The following LCMT1 variants were observed in gnomAD, a reference collection of about 807,000 sequenced individuals.
The protein encoded by LCMT1 is [Phosphatase 2A protein]-leucine-carboxy methyltransferase 1.
In LCMT1, 32 loss-of-function variants were observed where a neutral mutation model predicts 47.7. The observed-to-expected ratio is 0.67, with a 90% confidence interval of 0.51 to 0.90. The LOEUF (loss-of-function observed/expected upper bound fraction) is 0.90, where lower values mean the gene tolerates loss of function less well. Among genes scored for constraint, LCMT1 ranks in the 40% least tolerant of loss-of-function variants. The pLI, the probability that LCMT1 is intolerant of heterozygous loss-of-function variation, is 0.00. For missense variants in LCMT1, 375 were observed against 415.2 expected (o/e 0.90, Z 0.84); for synonymous variants, 152 against 149.7 (o/e 1.02, Z -0.11).
intron 4 of LCMT1, chr16:25,149,086 A>G (rs1960983264): frequency 6.6e-6 from 1 of 152,230 alleles, no homozygotes. Context: ...TATCTTGGTT[A>G]ATGGACCACC....
rs193008233 is a variant in LCMT1, at chr16:25,154,517, T to C, written c.466+2902T>C. 4.8e-3 allele frequency among the ~76,000 whole-genome samples: 699 copies of C among 144,902 alleles called. 6 individuals carry two copies. The highest frequency in any genetic ancestry group is 0.017 in the African/African-American group (659 of 38,966). On this transcript the variant is annotated intron_variant, in intron 5 of 10. Transcript: ENST00000399069. ...TTTTTTTTTTTTTTTTTGAGAGTCTTGCTCTGTCACCCAGGCTGGAGTGCA... is the reference window on the plus strand; with the variant it reads ...TTTTTTTTTTTTTTTTTGAGAGTCTCGCTCTGTCACCCAGGCTGGAGTGCA...
At chr16:25,116,108 C>T (rs1959775726) in intron 1 of LCMT1, among the ~76,000 whole-genome samples, 1 of 152,206 alleles carries the variant, frequency 6.6e-6, no homozygotes, top group East Asian at 1.9e-4. Context: ...AAGACTCACA[C>T]TATGAGGAGC....
At chr16:25,173,432 A>C (rs1044889272) in intron 9 of LCMT1, among the ~76,000 whole-genome samples, 2 of 152,208 alleles carry the variant, frequency 1.3e-5, no homozygotes, top group African/African-American at 2.4e-5. Context: ...ATGTGTAGGC[A>C]TTCTTACTTC....
chr16:25,127,378 G>A (rs575793688), intron 1 of LCMT1, among the ~76,000 whole-genome samples: 7 of 152,230 alleles, frequency 4.6e-5, no homozygotes, highest in Admixed American at 1.3e-4. Flanking sequence ...ATAACAGATC[G>A]TGTCCATTAG....
intron 5 of LCMT1, among the ~76,000 whole-genome samples, chr16:25,151,988 T>C (rs1403644839): frequency 1.3e-5 from 2 of 152,184 alleles, no homozygotes; most frequent in African/African-American, 2.4e-5. Context: ...ACTGTGTATG[T>C]GTGCAGTTGA....
chr16:25,118,731 A>C (rs1193622027), intron 1 of LCMT1, among the ~76,000 whole-genome samples: 1 of 152,102 alleles, frequency 6.6e-6, no homozygotes, highest in Non-Finnish European at 1.5e-5. Flanking sequence ...TGTCCAGCAG[A>C]GAGAAGCAGG....
intron 1 of LCMT1, chr16:25,126,007 C>T (rs1033314285): frequency 1.5e-6 from 2 of 1,349,660 alleles, no homozygotes; most frequent in Non-Finnish European, 2.0e-6. Flanking sequence ...TCCTCACTGC[C>T]CAACACTGGG....
intron 2 of LCMT1, among the ~76,000 whole-genome samples, chr16:25,129,848 G>A (rs1237766488): frequency 6.6e-6 from 1 of 152,202 alleles, no homozygotes; most frequent in Non-Finnish European, 1.5e-5. Context: ...CTTCCCTAAG[G>A]ATGGAAATTG....
intron 5 of LCMT1, among the ~76,000 whole-genome samples, chr16:25,152,981 G>A (rs191235283): frequency 3.7e-4 from 56 of 152,224 alleles, no homozygotes; most frequent in Admixed American, 2.6e-3. Context: ...GTCAGAGATC[G>A]TGCAGAGAGG....
At chr16:25,170,896 A>G in intron 9 of LCMT1, 91 bp downstream of exon 9, 1 of 833,532 alleles carries the variant, frequency 1.2e-6, no homozygotes, top group Non-Finnish European at 1.9e-6. Flanking sequence ...AAACAGAACA[A>G]TATGTGGAGA....
At chr16:25,123,917 T>G (rs1440132136) in intron 1 of LCMT1, among the ~76,000 whole-genome samples, 1 of 152,116 alleles carries the variant, frequency 6.6e-6, no homozygotes, top group East Asian at 1.9e-4. Flanking sequence ...CCTAATTTGC[T>G]TCCTTTCTTT....
Position 25,111,808 on chromosome 16 carries a change from T to TCGCGCCGTCC in LCMT1, c.-74_-65dup. On this transcript the variant is annotated 5_prime_UTR_variant, in exon 1 of 11. Coordinates refer to ENST00000399069, the MANE Select transcript of LCMT1 (RefSeq NM_016309.3). Reference sequence around the variant, plus strand: ...TCTTCTGTTGCTTTCTCCCTGTGGCTCGCGCCGTCCCCCGCCGCCCGTCGA... The same window carrying TCGCGCCGTCC: ...TCTTCTGTTGCTTTCTCCCTGTGGCTCGCGCCGTCCCGCGCCGTCCCCCGCCGCCCGTCGA... The TCGCGCCGTCC allele has an allele frequency of 1.0e-6, 1 of 989,814 alleles. No homozygotes were observed. The highest frequency in any genetic ancestry group is 1.4e-5 in the South Asian group (1 of 72,842). The allele number at this position is 989,814 out of a possible 1,614,324, so 61.3% of individuals were successfully genotyped here. A position where few individuals can be genotyped will look rare whatever the true frequency, so the allele number is the denominator to read the frequency against.
Position 25,178,122 on chromosome 16 carries a change from T to C in LCMT1, c.*99T>C, listed in dbSNP as rs2141727524. ...GCGGTGGGCGGGCCTCGTCCGCAGG[T>C]CTCATCCCACACTCTTGAGAAGCCT... is the stretch of plus-strand genomic sequence containing the variant. On this transcript the variant is annotated 3_prime_UTR_variant, in exon 11 of 11. Coordinates refer to ENST00000399069, the MANE Select transcript of LCMT1 (RefSeq NM_016309.3). 2 of 1,085,074 alleles carry C rather than the reference T, an allele frequency of 1.8e-6. No homozygotes were observed. The highest frequency in any genetic ancestry group is 2.8e-6 in the Non-Finnish European group (2 of 712,370). 67.2% of individuals were successfully genotyped at this position (1,085,074 alleles called of 1,614,324 possible).
chr16:25,146,859 G>A (rs1159324629), intron 4 of LCMT1: 1 of 152,194 alleles, frequency 6.6e-6, no homozygotes, highest in East Asian at 1.9e-4. Context: ...CCCTGTCATA[G>A]TGTACAGGTT....
At position 25,111,783 on chromosome 16, in the gene LCMT1, T is replaced by G. The variant is rs1162455830; in HGVS notation, c.-101T>G. Reference sequence around the variant, plus strand: ...AGCTGAGCCAGGTAGGGCCCTACCCTCTTCTGTTGCTTTCTCCCTGTGGCT... The same window carrying G: ...AGCTGAGCCAGGTAGGGCCCTACCCGCTTCTGTTGCTTTCTCCCTGTGGCT... On this transcript the variant is annotated 5_prime_UTR_variant, in exon 1 of 11. Coordinates refer to ENST00000399069, the MANE Select transcript of LCMT1 (RefSeq NM_016309.3). 3 of 796,268 alleles carry G rather than the reference T, an allele frequency of 3.8e-6. No individual in the cohort carries two copies. Among genetic ancestry groups the G allele is most frequent in the African/African-American group, 1.7e-5 (1 of 58,824 alleles). 49.3% of individuals were successfully genotyped at this position (796,268 alleles called of 1,614,324 possible). A position where few individuals can be genotyped will look rare whatever the true frequency, so the allele number is the denominator to read the frequency against.
intron 1 of LCMT1, chr16:25,126,223 T>C (rs1256480308): frequency 1.7e-6 from 2 of 1,154,768 alleles, no homozygotes; most frequent in Non-Finnish European, 2.3e-6. Flanking sequence ...TCTCTACCAC[T>C]GTGCACCACT....
rs76457155 is a variant in LCMT1 at position 25,174,505 on chromosome 16, G to C, written c.885-432G>C. Among the ~76,000 whole-genome samples, 55 of 152,224 alleles carry C rather than the reference G, an allele frequency of 3.6e-4. No individual in the cohort carries two copies. In the East Asian group the frequency reaches 9.6e-3, roughly 27 times the overall value. On this transcript the variant is annotated intron_variant, in intron 9 of 10. Transcript: ENST00000399069. ...ACGCAACTTGCTTTTTAAATTCCATGATATATATGTCTTGGAGGTTATTGC... is the reference window on the plus strand; with the variant it reads ...ACGCAACTTGCTTTTTAAATTCCATCATATATATGTCTTGGAGGTTATTGC...
intron 4 of LCMT1, among the ~76,000 whole-genome samples, chr16:25,148,512 A>G (rs892178687): frequency 2.0e-5 from 3 of 152,344 alleles, no homozygotes; most frequent in East Asian, 3.9e-4. Context: ...CAGGGCACCC[A>G]GTAGTTCCTT....
At position 25,178,049 on chromosome 16, in the gene LCMT1, G is replaced by T. The variant is rs765811307; in HGVS notation, c.*26G>T. 6.2e-7 allele frequency: 1 copy of T among 1,612,630 alleles called. No homozygotes were observed. Among genetic ancestry groups the T allele is most frequent in the African/African-American group, 1.3e-5 (1 of 75,020 alleles). On this transcript the variant is annotated 3_prime_UTR_variant, in exon 11 of 11. Coordinates refer to ENST00000399069, the MANE Select transcript of LCMT1 (RefSeq NM_016309.3). ...TCTGTCGAAGGCTTATGCCGAGCCA[G>T]AAGCCGAAGCCACTTGCCCTCCTGG...
Sources: allele counts gnomAD v4.1 joint callset (sites outside exome capture counted in the v4.1 genomes callset), GRCh38; gene constraint gnomAD v4.1.1; transcripts MANE v1.5; gene names NCBI Gene and HGNC (gene_info 2026-07-23, HGNC 2026-07-21).